The following LIN7A variants were observed in gnomAD, a reference collection of about 807,000 sequenced individuals.
LIN7A encodes lin-7 cell polarity scaffold A, also known as protein lin-7 homolog A.
Under a neutral mutation model 29.8 loss-of-function variants are expected in LIN7A, and 25 were observed. The ratio of observed to expected loss-of-function variants is 0.84; its 90% CI spans 0.61 to 1.17. The LOEUF (loss-of-function observed/expected upper bound fraction) is 1.17. Ranked by LOEUF, LIN7A falls within the 50% of genes most tolerant of loss-of-function variation. The pLI is 0.00. For missense variants in LIN7A, 239 were observed against 287.0 expected, an observed-to-expected ratio of 0.83 and a Z score of 1.21; for synonymous variants, 118 against 107.5, an observed-to-expected ratio of 1.10 and a Z score of -0.60.
At position 80,861,330 on chromosome 12, in the gene LIN7A, G is replaced by A. The variant is rs111701589; in HGVS notation, c.202-13008C>T. On this transcript the variant is annotated intron_variant, in intron 2 of 5. Transcript: ENST00000552864. Reference sequence around the variant, plus strand: ...TGTTGCTCCTGCAGTGGCCCTCTTGGCACTGGTGACACCGGACAGGCAAGG... The same window carrying A: ...TGTTGCTCCTGCAGTGGCCCTCTTGACACTGGTGACACCGGACAGGCAAGG... The A allele has an allele frequency of 8.3e-3, 1,278 of 153,320 alleles. 22 individuals are homozygous for A. The highest frequency in any genetic ancestry group is 0.029 in the African/African-American group (1,186 of 41,584). The allele number at this position is 153,320 out of a possible 1,614,324, so 9.5% of individuals were successfully genotyped here.
chr12:80,807,085 T>TTTTTTGTTTTTTTG (rs1565883968), intron 5 of LIN7A, among the ~76,000 whole-genome samples: 4 of 141,436 alleles, frequency 2.8e-5, no homozygotes, highest in Non-Finnish European at 4.6e-5. Flanking sequence ...TTTTTTTTTT[T>TTTTTTGTTTTTTTG]TTTTTTGACG....
chr12:80,901,676 A>G (rs1876221662), intron 1 of LIN7A, among the ~76,000 whole-genome samples: 1 of 139,678 alleles, frequency 7.2e-6, no homozygotes, highest in Non-Finnish European at 1.6e-5. Flanking sequence ...AGAGTTTGTT[A>G]TAAAGAAACT....
chr12:80,835,643 C>T (rs1051466217), intron 4 of LIN7A, among the ~76,000 whole-genome samples: 1 of 152,084 alleles, frequency 6.6e-6, no homozygotes, highest in African/African-American at 2.4e-5. Context: ...AGGTATCCAG[C>T]GTAATGCCAG....
chr12:80,906,283 C>T (rs1876470790), intron 1 of LIN7A, among the ~76,000 whole-genome samples: 1 of 152,158 alleles, frequency 6.6e-6, no homozygotes, highest in African/African-American at 2.4e-5. Flanking sequence ...GCCTCTTTTC[C>T]TATCTCAGCT....
At position 80,835,756 on chromosome 12, in the gene LIN7A, A is replaced by G. The variant is rs541365141; in HGVS notation, c.483+9974T>C. Among the ~76,000 whole-genome samples the G allele has an allele frequency of 2.0e-5, 3 of 152,312 alleles. No individual in the cohort carries two copies. In the East Asian group the frequency reaches 5.8e-4, roughly 29 times the overall value. On this transcript the variant is annotated intron_variant, in intron 4 of 5. Transcript: ENST00000552864. ...TGACAAAATAGAGTCTCAAAGAGTA[A>G]ATAAACGTATTATGGTTAGAATAAC... is the stretch of plus-strand genomic sequence containing the variant.
intron 4 of LIN7A, among the ~76,000 whole-genome samples, chr12:80,819,060 G>C (rs898249167): frequency 2.0e-5 from 3 of 152,102 alleles, no homozygotes; most frequent in African/African-American, 7.2e-5. Context: ...GTCAATCAAG[G>C]TCCAAAAATA....
intron 2 of LIN7A, among the ~76,000 whole-genome samples, chr12:80,852,084 T>C (rs1334913926): frequency 1.3e-5 from 2 of 152,308 alleles, no homozygotes; most frequent in East Asian, 3.9e-4. Context: ...AAATAATGGT[T>C]GTTTTTAATT....
chr12:80,846,073 A>G, intron 3 of LIN7A, 134 bp from the exon 4 acceptor site: 1 of 741,748 alleles, frequency 1.3e-6, no homozygotes, highest in East Asian at 3.1e-5. Context: ...AAAGAACACA[A>G]AAAGCAGAGG....
chr12:80,829,275 GA>G (rs1380124993), intron 4 of LIN7A, among the ~76,000 whole-genome samples: 1 of 152,186 alleles, frequency 6.6e-6, no homozygotes, highest in African/African-American at 2.4e-5. Flanking sequence ...TACAGATGTA[GA>G]AGTATAGTCT....
At chr12:80,835,546 C>T (rs1171721738) in intron 4 of LIN7A, among the ~76,000 whole-genome samples, 1 of 152,040 alleles carries the variant, frequency 6.6e-6, no homozygotes, top group Non-Finnish European at 1.5e-5. Context: ...GGCGGAGAGT[C>T]TAACTCTATA....
intron 4 of LIN7A, among the ~76,000 whole-genome samples, chr12:80,817,549 T>TA (rs1375527241): frequency 2.0e-5 from 3 of 152,134 alleles, no homozygotes; most frequent in African/African-American, 7.2e-5. Context: ...CATAGACTCC[T>TA]AAAAAACATC....
intron 1 of LIN7A, among the ~76,000 whole-genome samples, chr12:80,922,771 T>C (rs1229632828): frequency 3.3e-5 from 5 of 152,212 alleles, no homozygotes; most frequent in African/African-American, 9.7e-5. Flanking sequence ...ATGATTCATC[T>C]ATTTTAAATT....
intron 1 of LIN7A, among the ~76,000 whole-genome samples, chr12:80,902,765 A>C (rs778482309): frequency 6.6e-6 from 1 of 152,024 alleles, no homozygotes; most frequent in South Asian, 2.1e-4. Flanking sequence ...CTTTTGGCAG[A>C]GTCTTTAGGA....
chr12:80,931,108 G>A (rs565145492), intron 1 of LIN7A, among the ~76,000 whole-genome samples: 75 of 152,300 alleles, frequency 4.9e-4, no homozygotes, highest in African/African-American at 1.8e-3. Flanking sequence ...CTTCCTGTTT[G>A]ATAGTACTCC....
chr12:80,874,147 A>G (rs1720890920), intron 2 of LIN7A, among the ~76,000 whole-genome samples: 1 of 152,200 alleles, frequency 6.6e-6, no homozygotes, highest in Admixed American at 6.5e-5. Flanking sequence ...CATGTCAACC[A>G]TGGGAAAAAC....
rs764096036 is a variant in LIN7A at position 80,937,667 on chromosome 12, A to G, written c.56T>C (p.Val19Ala). The G allele has an allele frequency of 1.0e-5, 16 of 1,570,544 alleles. No homozygotes were observed. The Middle Eastern group carries it at 8.5e-4, about 84-fold the overall frequency. Reference sequence around the variant, plus strand: ...TCTGTCCAGGGTGAGCGGCTGGACCACTGTCAATGTCGCCATGTCTGCCGT... The same window carrying G: ...TCTGTCCAGGGTGAGCGGCTGGACCGCTGTCAATGTCGCCATGTCTGCCGT... ...APTADMATLT[V>A]VQPLTLDRDV... The change falls in exon 1 of 6, where the codon GTG becomes GCG. Residue 19 changes from valine (V) to alanine (A), a missense_variant. Transcript: ENST00000552864.
In LIN7A at chr12:80,883,361, C is replaced by T. The variant is rs1875165737; in HGVS notation, c.201+5890G>A. Reference sequence around the variant, plus strand: ...CACAGTAGATTAAGACATTAATAGGCATTAATTTGAAAAGCATCAAGAACA... The same window carrying T: ...CACAGTAGATTAAGACATTAATAGGTATTAATTTGAAAAGCATCAAGAACA... On this transcript the variant is annotated intron_variant, in intron 2 of 5. Coordinates refer to ENST00000552864, the MANE Select transcript of LIN7A (RefSeq NM_004664.4). Among the ~76,000 whole-genome samples the T allele has an allele frequency of 2.0e-5, 3 of 152,170 alleles. No homozygotes were observed. In the South Asian group the frequency reaches 6.2e-4, roughly 32 times the overall value.
At chr12:80,812,143 C>T (rs1275320638) in intron 4 of LIN7A, among the ~76,000 whole-genome samples, 1 of 151,982 alleles carries the variant, frequency 6.6e-6, no homozygotes, top group African/African-American at 2.4e-5. Context: ...GCACAGAGTC[C>T]AGAAGGAGAG....
chr12:80,920,891 C>T (rs972957527), intron 1 of LIN7A, among the ~76,000 whole-genome samples: 1 of 152,090 alleles, frequency 6.6e-6, no homozygotes, highest in Non-Finnish European at 1.5e-5. Context: ...CCAGATAATG[C>T]TATCTAGTTC....
Sources: allele counts gnomAD v4.1 joint callset (sites outside exome capture counted in the v4.1 genomes callset), GRCh38; gene constraint gnomAD v4.1.1; transcripts MANE v1.5; gene names NCBI Gene and HGNC (gene_info 2026-07-23, HGNC 2026-07-21).